PPP1R14C: variants seen among roughly 807,000 people sequenced by gnomAD.
PPP1R14C encodes the protein protein phosphatase 1 regulatory subunit 14C.
In PPP1R14C, 16 loss-of-function variants were observed where a neutral mutation model predicts 20.4. That is an observed-to-expected ratio of 0.78 (90% CI 0.53 to 1.19). PPP1R14C has a LOEUF of 1.19. PPP1R14C is among the 50% of genes most tolerant of loss of function. PPP1R14C has a pLI of 0.00. For synonymous variants in PPP1R14C, 91 were observed against 91.0 expected (o/e 1.00, Z 0.00); for missense variants, 211 against 220.1 (o/e 0.96, Z 0.26).
intron 1 of PPP1R14C, among the ~76,000 whole-genome samples, chr6:150,212,652 C>T (rs749533840): frequency 2.6e-5 from 4 of 152,166 alleles, no homozygotes; most frequent in South Asian, 2.1e-4. Context: ...GTATAGCTGG[C>T]GAGTGCAGTC....
chr6:150,155,246 T>A (rs959596338), intron 1 of PPP1R14C, among the ~76,000 whole-genome samples: 1 of 152,230 alleles, frequency 6.6e-6, no homozygotes, highest in Admixed American at 6.5e-5. Context: ...TCTTTATAGT[T>A]AGTTTTAGGA....
At chr6:150,149,443 A>AT (rs1216146263) in intron 1 of PPP1R14C, among the ~76,000 whole-genome samples, 137 of 119,836 alleles carry the variant, frequency 1.1e-3, no homozygotes, top group African/African-American at 2.2e-3. Context: ...CTCCCACCTA[A>AT]TTTTTTTTTT....
At chr6:150,196,255 G>T (rs1777803123) in intron 1 of PPP1R14C, 3 of 378,762 alleles carry the variant, frequency 7.9e-6, no homozygotes, top group Non-Finnish European at 1.1e-5. Context: ...AGCCCTGCTT[G>T]CCTTTATAGC....
chr6:150,235,629 G>A (rs1778351166), intron 3 of PPP1R14C, among the ~76,000 whole-genome samples: 1 of 152,212 alleles, frequency 6.6e-6, no homozygotes, highest in African/African-American at 2.4e-5. Context: ...GGCTGCCTGG[G>A]TAGAATTTCA....
intron 1 of PPP1R14C, among the ~76,000 whole-genome samples, chr6:150,147,278 C>CA (rs112741178): frequency 0.04 from 6,150 of 152,092 alleles, 448 homozygotes; most frequent in African/African-American, 0.14. Context: ...CTCCTGGGTT[C>CA]AAACGATTCT....
chr6:150,149,328 T>C (rs1295063550), intron 1 of PPP1R14C, among the ~76,000 whole-genome samples: 1 of 151,942 alleles, frequency 6.6e-6, no homozygotes, highest in Non-Finnish European at 1.5e-5. Context: ...TGTGTGTATG[T>C]GTGTGTATAT....
chr6:150,202,047 A>G lies in PPP1R14C; in HGVS notation c.307-12697A>G, dbSNP rs116265992. Among the ~76,000 whole-genome samples, 510 of 152,308 alleles carry G rather than the reference A, an allele frequency of 3.3e-3. 2 individuals are homozygous for G. Among genetic ancestry groups the G allele is most frequent in the African/African-American group, 0.012 (480 of 41,564 alleles). On this transcript the variant is annotated intron_variant, in intron 1 of 3. Coordinates refer to ENST00000361131, the MANE Select transcript of PPP1R14C (RefSeq NM_030949.3). The stretch of plus-strand genomic sequence containing the variant: ...TTATTTTGGACTGGCCTCATTCCCT[A>G]AGACCAAAGGCAGCTGAGCCTGTGT...
intron 1 of PPP1R14C, among the ~76,000 whole-genome samples, chr6:150,173,732 G>A (rs534739695): frequency 5.3e-5 from 8 of 152,196 alleles, no homozygotes; most frequent in Admixed American, 1.3e-4. Flanking sequence ...GCCAGCCAGC[G>A]CTAGGAATGG....
intron 3 of PPP1R14C, among the ~76,000 whole-genome samples, chr6:150,242,622 G>A (rs947124905): frequency 6.6e-6 from 1 of 152,202 alleles, no homozygotes; most frequent in African/African-American, 2.4e-5. Flanking sequence ...GTGAAGGACT[G>A]AATGCTTCCC....
intron 1 of PPP1R14C, among the ~76,000 whole-genome samples, chr6:150,174,068 A>C (rs533867347): frequency 4.9e-5 from 7 of 141,946 alleles, no homozygotes; most frequent in Non-Finnish European, 7.6e-5. Flanking sequence ...ATAATTATAT[A>C]TACTTGCAGT....
intron 1 of PPP1R14C, among the ~76,000 whole-genome samples, chr6:150,182,531 G>A (rs1433641753): frequency 2.6e-5 from 4 of 152,260 alleles, no homozygotes; most frequent in African/African-American, 7.2e-5. Context: ...AAGGTCTCAC[G>A]TCCTAATGTC....
intron 1 of PPP1R14C, among the ~76,000 whole-genome samples, chr6:150,169,836 C>G (rs960541136): frequency 2.0e-5 from 3 of 152,186 alleles, no homozygotes; most frequent in Admixed American, 6.5e-5. Flanking sequence ...TGACTCATCT[C>G]TGCCTCATGG....
intron 1 of PPP1R14C, among the ~76,000 whole-genome samples, chr6:150,165,442 A>G (rs1777412421): frequency 6.6e-6 from 1 of 152,228 alleles, no homozygotes; most frequent in Non-Finnish European, 1.5e-5. Flanking sequence ...TCTGCTGGCT[A>G]AAGTCCTTGG....
rs552486316 is a variant in PPP1R14C at position 150,201,633 on chromosome 6, T to C, written c.307-13111T>C. 6.6e-6 allele frequency among the ~76,000 whole-genome samples: 1 copy of C among 152,314 alleles called. No homozygotes were observed. Among genetic ancestry groups the C allele is most frequent in the Non-Finnish European group, 1.5e-5 (1 of 68,028 alleles). ...AGGAAGCCACCCGTGAGTTCTAAGC[T>C]GGTGAATGACAGATCTGTGTTCTTA... On this transcript the variant is annotated intron_variant, in intron 1 of 3. Coordinates refer to ENST00000361131, the MANE Select transcript of PPP1R14C (RefSeq NM_030949.3). The surrounding 1 kb of genome is among the most constrained non-coding windows in gnomAD (Gnocchi z 4.2).
intron 1 of PPP1R14C, among the ~76,000 whole-genome samples, chr6:150,156,904 T>G (rs1777311884): frequency 1.3e-5 from 2 of 152,242 alleles, no homozygotes; most frequent in Non-Finnish European, 2.9e-5. Flanking sequence ...TAATGAAAAC[T>G]TGTCTGTACT....
chr6:150,147,027 G>T (rs1777186920), intron 1 of PPP1R14C, among the ~76,000 whole-genome samples: 1 of 151,896 alleles, frequency 6.6e-6, no homozygotes, highest in South Asian at 2.1e-4. Flanking sequence ...TCTTGGGAAG[G>T]CTTATACAGG....
intron 3 of PPP1R14C, among the ~76,000 whole-genome samples, chr6:150,226,496 T>C (rs1778231948): frequency 6.6e-6 from 1 of 152,128 alleles, no homozygotes; most frequent in South Asian, 2.1e-4. Flanking sequence ...CTTTGCACAG[T>C]TTCCAATTTT....
At chr6:150,205,831 A>AAT (rs1005980157) in intron 1 of PPP1R14C, among the ~76,000 whole-genome samples, 1 of 151,894 alleles carries the variant, frequency 6.6e-6, no homozygotes, top group Non-Finnish European at 1.5e-5. Context: ...AAGAAAAAGA[A>AAT]ATATATATAT....
At chr6:150,174,360 C>A (rs1777533906) in intron 1 of PPP1R14C, among the ~76,000 whole-genome samples, 1 of 151,960 alleles carries the variant, frequency 6.6e-6, no homozygotes, top group African/African-American at 2.4e-5. Context: ...GCTGGGACTA[C>A]CGGTGCCCCC....
Sources: gnomAD v4.1 joint callset for allele counts (sites outside exome capture counted in the v4.1 genomes callset) on GRCh38, gnomAD v4.1.1 for gene constraint, Gnocchi (gnomAD v3.1) non-coding constraint, MANE v1.5 for transcripts, NCBI Gene and HGNC (gene_info 2026-07-23, HGNC 2026-07-21) for gene names.